Variants in DLGAP1 observed in about 807,000 individuals in gnomAD.
DLGAP1 encodes DLG associated protein 1.
Under a neutral mutation model 90.8 loss-of-function variants are expected in DLGAP1, and 11 were observed. The observed-to-expected ratio is 0.12, with a 90% CI of 0.08 to 0.20. The LOEUF is 0.20. Ranked by LOEUF, DLGAP1 falls within the 10% of genes least tolerant of loss-of-function variation. The pLI is 1.00. For missense variants in DLGAP1, 1,050 were observed against 1,333.8 expected (o/e 0.79, Z 3.31); for synonymous variants, 558 against 540.7 (o/e 1.03, Z -0.44).
At chr18:4,190,385 T>C (rs1336335199) in intron 1 of DLGAP1, among the ~76,000 whole-genome samples, 1 of 152,092 alleles carries the variant, frequency 6.6e-6, no homozygotes, top group Non-Finnish European at 1.5e-5. Flanking sequence ...GATAAATGGT[T>C]GAAGTACAAG....
At chr18:3,798,128 T>C (rs1335931417) in intron 5 of DLGAP1, among the ~76,000 whole-genome samples, 1 of 152,244 alleles carries the variant, frequency 6.6e-6, no homozygotes, top group Non-Finnish European at 1.5e-5. Flanking sequence ...AATGGACTAA[T>C]ATCCCCAGTC....
intron 2 of DLGAP1, among the ~76,000 whole-genome samples, chr18:4,031,039 G>T (rs993099241): frequency 6.6e-6 from 1 of 152,026 alleles, no homozygotes; most frequent in African/African-American, 2.4e-5. Flanking sequence ...CCTATATCTC[G>T]TTCACTGGCT....
chr18:4,407,077 T>C (rs2082679322), intron 1 of DLGAP1, among the ~76,000 whole-genome samples: 1 of 152,210 alleles, frequency 6.6e-6, no homozygotes, highest in African/African-American at 2.4e-5. Context: ...ATTTACTTTA[T>C]GTAAGAAGGT....
intron 1 of DLGAP1, among the ~76,000 whole-genome samples, chr18:4,302,095 C>T (rs1225488489): frequency 6.6e-6 from 1 of 152,120 alleles, no homozygotes; most frequent in Non-Finnish European, 1.5e-5. Flanking sequence ...AGGATATCTC[C>T]TCAGTCTGTA....
At chr18:4,075,624 A>G (rs2075511515) in intron 2 of DLGAP1, among the ~76,000 whole-genome samples, 1 of 152,168 alleles carries the variant, frequency 6.6e-6, no homozygotes, top group South Asian at 2.1e-4. Context: ...CATTGAACAA[A>G]ACTTAGAGAC....
chr18:4,250,133 G>A (rs575210285), intron 1 of DLGAP1, among the ~76,000 whole-genome samples: 74 of 152,318 alleles, frequency 4.9e-4, no homozygotes, highest in South Asian at 1.2e-3. Flanking sequence ...AGGGCTTATA[G>A]ATGTTTGGGG....
chr18:3,637,914 AT>A (rs1349794727), intron 7 of DLGAP1, among the ~76,000 whole-genome samples: 10 of 148,040 alleles, frequency 6.8e-5, no homozygotes, highest in Admixed American at 1.3e-4. Flanking sequence ...TTGTTGCATT[AT>A]CACTATTGTA....
At chr18:3,884,763 C>T (rs140099653) in intron 3 of DLGAP1, among the ~76,000 whole-genome samples, 1 of 152,242 alleles carries the variant, frequency 6.6e-6, no homozygotes, top group East Asian at 1.9e-4. Context: ...TGGAGGGTAA[C>T]AAATTGCATC....
chr18:3,992,050 A>C (rs1018296897), intron 3 of DLGAP1, among the ~76,000 whole-genome samples: 4 of 152,200 alleles, frequency 2.6e-5, no homozygotes, highest in Non-Finnish European at 5.9e-5. Flanking sequence ...AGATGAATCT[A>C]GATTCATAAG....
intron 1 of DLGAP1, among the ~76,000 whole-genome samples, chr18:4,314,359 T>C (rs1180902296): frequency 6.6e-6 from 1 of 152,084 alleles, no homozygotes; most frequent in Non-Finnish European, 1.5e-5. Context: ...TAAGATTTTA[T>C]GAACCTCTGT....
At chr18:3,522,283 C>T (rs947688131) in intron 10 of DLGAP1, among the ~76,000 whole-genome samples, 16 of 151,676 alleles carry the variant, frequency 1.1e-4, no homozygotes, top group East Asian at 3.9e-4. Flanking sequence ...ATTACATGCG[C>T]GTGCCACCAC....
At chr18:3,921,146 G>A (rs895898404) in intron 3 of DLGAP1, among the ~76,000 whole-genome samples, 5 of 152,094 alleles carry the variant, frequency 3.3e-5, no homozygotes, top group African/African-American at 1.2e-4. Flanking sequence ...CAAATGCAAG[G>A]AAAGAAAATT....
At chr18:3,869,155 T>G (rs1210984058) in intron 4 of DLGAP1, among the ~76,000 whole-genome samples, 2 of 96,008 alleles carry the variant, frequency 2.1e-5, no homozygotes, top group South Asian at 4.0e-4. Flanking sequence ...GTGTATTGCG[T>G]TTTTTTTTTT....
At chr18:3,899,249 G>T (rs140717878) in intron 3 of DLGAP1, among the ~76,000 whole-genome samples, 67 of 152,328 alleles carry the variant, frequency 4.4e-4, no homozygotes, top group African/African-American at 1.6e-3. Context: ...CTTTTCCTCT[G>T]ACTGCTGAAG....
At chr18:4,137,048 C>T (rs1389620591) in intron 2 of DLGAP1, among the ~76,000 whole-genome samples, 1 of 152,128 alleles carries the variant, frequency 6.6e-6, no homozygotes, top group Non-Finnish European at 1.5e-5. Flanking sequence ...TATCCCTCCC[C>T]CCTTCCCCCA....
chr18:3,662,687 A>C (rs1332001407), intron 7 of DLGAP1, among the ~76,000 whole-genome samples: 2 of 152,348 alleles, frequency 1.3e-5, no homozygotes, highest in East Asian at 3.9e-4. Flanking sequence ...GGGTGGATCC[A>C]AGAGCCGCAG....
intron 2 of DLGAP1, among the ~76,000 whole-genome samples, chr18:4,106,472 G>A (rs994704493): frequency 3.3e-5 from 5 of 152,210 alleles, no homozygotes; most frequent in African/African-American, 7.2e-5. Context: ...AATTGTATTT[G>A]CCTTTGGTAA....
intron 2 of DLGAP1, among the ~76,000 whole-genome samples, chr18:4,125,530 T>C (rs572462227): frequency 2.0e-4 from 30 of 152,226 alleles, no homozygotes; most frequent in African/African-American, 2.4e-5. Flanking sequence ...TGTGTAGACA[T>C]AGGGCTGGAA....
chr18:4,030,204 G>T (rs2074773173), intron 2 of DLGAP1, among the ~76,000 whole-genome samples: 1 of 152,112 alleles, frequency 6.6e-6, no homozygotes, highest in Non-Finnish European at 1.5e-5. Context: ...TGTTGGTCAG[G>T]CTGGTCTCAA....
Sources: gnomAD v4.1 joint callset for allele counts (sites outside exome capture counted in the v4.1 genomes callset) on GRCh38, gnomAD v4.1.1 for gene constraint, MANE v1.5 for transcripts, NCBI Gene and HGNC (gene_info 2026-07-23, HGNC 2026-07-21) for gene names.